Variants in PRORP observed in about 807,000 individuals in gnomAD.
PRORP encodes the protein protein only RNase P catalytic subunit.
PRORP carries 51 observed loss-of-function variants against 59.4 expected under a neutral mutation model. That is an observed-to-expected ratio of 0.86 (90% CI 0.69 to 1.08). The LOEUF (loss-of-function observed/expected upper bound fraction) is 1.08. Ranked by LOEUF, PRORP falls within the 50% of genes least tolerant of loss-of-function variation. The pLI is 0.00. For synonymous variants in PRORP, 231 were observed against 245.6 expected (o/e 0.94, Z 0.55); for missense variants, 646 against 690.3 (o/e 0.94, Z 0.72).
At chr14:35,136,011 G>A (rs1314792914) in intron 4 of PRORP, among the ~76,000 whole-genome samples, 1 of 151,724 alleles carries the variant, frequency 6.6e-6, no homozygotes, top group African/African-American at 2.4e-5. Context: ...ATATTTTAGA[G>A]AGACCTCTCT....
intron 4 of PRORP, among the ~76,000 whole-genome samples, chr14:35,146,137 T>C (rs1392781880): frequency 1.3e-5 from 2 of 152,132 alleles, no homozygotes; most frequent in East Asian, 3.8e-4. Flanking sequence ...AGCCCCATTT[T>C]GAACTTTTAA....
At chr14:35,181,111 T>G (rs1248165646) in intron 5 of PRORP, among the ~76,000 whole-genome samples, 1 of 152,202 alleles carries the variant, frequency 6.6e-6, no homozygotes, top group Non-Finnish European at 1.5e-5. Context: ...TCCCTTTGGG[T>G]CATATCCTTA....
At chr14:35,131,873 C>G (rs2047248963) in intron 4 of PRORP, among the ~76,000 whole-genome samples, 1 of 145,126 alleles carries the variant, frequency 6.9e-6, no homozygotes, top group Non-Finnish European at 1.5e-5. Context: ...AAATCTCACT[C>G]TTGTCCCCTA....
chr14:35,227,065 T>C (rs1163673370), intron 5 of PRORP, among the ~76,000 whole-genome samples: 1 of 152,048 alleles, frequency 6.6e-6, no homozygotes, highest in Non-Finnish European at 1.5e-5. Flanking sequence ...CCTTGTGATA[T>C]TGGTGGATTT....
chr14:35,203,022 T>C (rs908168077), intron 5 of PRORP, among the ~76,000 whole-genome samples: 1 of 152,162 alleles, frequency 6.6e-6, no homozygotes, highest in Non-Finnish European at 1.5e-5. Flanking sequence ...ATATTATGTA[T>C]TTGTGTAGTG....
At chr14:35,266,990 AT>A in intron 6 of PRORP, 115 bp downstream of exon 6, 1 of 865,386 alleles carries the variant, frequency 1.2e-6, no homozygotes, top group Non-Finnish European at 1.6e-6. Flanking sequence ...ACTCACCCTC[AT>A]TAAAAAAAAA....
chr14:35,203,127 A>G (rs1566495010), intron 5 of PRORP, among the ~76,000 whole-genome samples: 1 of 152,196 alleles, frequency 6.6e-6, no homozygotes, highest in Non-Finnish European at 1.5e-5. Context: ...AAAAGAACTT[A>G]CCCTTTCTGT....
intron 5 of PRORP, among the ~76,000 whole-genome samples, chr14:35,237,011 T>C (rs2050235562): frequency 6.7e-6 from 1 of 148,714 alleles, no homozygotes. Flanking sequence ...CCTTCACTCC[T>C]TCCTTCCCTC....
intron 5 of PRORP, among the ~76,000 whole-genome samples, chr14:35,187,239 T>C (rs2048763443): frequency 6.6e-6 from 1 of 152,210 alleles, no homozygotes; most frequent in African/African-American, 2.4e-5. Context: ...CCCAACTGTT[T>C]TCCAAAGCAT....
chr14:35,204,250 AATG>A (rs1361978988), intron 5 of PRORP, among the ~76,000 whole-genome samples: 1 of 152,206 alleles, frequency 6.6e-6, no homozygotes, highest in Non-Finnish European at 1.5e-5. Context: ...TTAAGAAAGA[AATG>A]AGAAAAAAAA....
chr14:35,151,151 A>G (rs1361986382), intron 4 of PRORP, among the ~76,000 whole-genome samples: 1 of 152,160 alleles, frequency 6.6e-6, no homozygotes, highest in African/African-American at 2.4e-5. Flanking sequence ...GAAGTGAGGT[A>G]CGTCCCAGAG....
chr14:35,148,911 A>ATTTTTT (rs1186320988), intron 4 of PRORP, among the ~76,000 whole-genome samples: 21 of 82,828 alleles, frequency 2.5e-4, no homozygotes, highest in African/African-American at 3.5e-4. Flanking sequence ...GCACTTTTTA[A>ATTTTTT]TTTTTTTTTT....
At chr14:35,227,823 C>T (rs2049973161) in intron 5 of PRORP, among the ~76,000 whole-genome samples, 1 of 151,756 alleles carries the variant, frequency 6.6e-6, no homozygotes, top group South Asian at 2.1e-4. Context: ...TTTGCACAAG[C>T]CCGCAGAAAT....
At chr14:35,266,946 TA>T in intron 6 of PRORP, 71 bp downstream of exon 6, 4 of 1,501,946 alleles carry the variant, frequency 2.7e-6, no homozygotes, top group Non-Finnish European at 3.6e-6. Context: ...TTACCTACTT[TA>T]AACCTATCTT....
intron 5 of PRORP, among the ~76,000 whole-genome samples, chr14:35,244,957 C>T (rs1250592551): frequency 6.6e-6 from 1 of 150,692 alleles, no homozygotes; most frequent in Non-Finnish European, 1.5e-5. Flanking sequence ...CAGATGAAAG[C>T]TCCCTTGAGA....
At chr14:35,206,692 A>G (rs1002812363) in intron 5 of PRORP, among the ~76,000 whole-genome samples, 7 of 152,144 alleles carry the variant, frequency 4.6e-5, no homozygotes, top group African/African-American at 4.8e-5. Flanking sequence ...CACCACCACT[A>G]TTTATTGACT....
rs1566543035 is a variant in PRORP at position 35,273,585 on chromosome 14, T to C, written c.*19T>C. On this transcript the variant is annotated 3_prime_UTR_variant, in exon 8 of 8. Transcript: ENST00000534898. ...GACATAGAGATTCTTACCTCTATGCTAAGTTTGTGTTTGGGTACCCTCTAG... is the reference window on the plus strand; with the variant it reads ...GACATAGAGATTCTTACCTCTATGCCAAGTTTGTGTTTGGGTACCCTCTAG... The C allele has an allele frequency of 1.2e-6, 2 of 1,607,154 alleles. No homozygotes were observed. The highest frequency in any genetic ancestry group is 1.7e-6 in the Non-Finnish European group (2 of 1,176,956).
chr14:35,215,524 C>T (rs184568717), intron 5 of PRORP, among the ~76,000 whole-genome samples: 154 of 152,164 alleles, frequency 1.0e-3, no homozygotes, highest in African/African-American at 3.6e-3. Flanking sequence ...CCCAGCACTG[C>T]AGGAGGATCA....
At chr14:35,259,033 T>G (rs1034221025) in intron 5 of PRORP, among the ~76,000 whole-genome samples, 2 of 152,348 alleles carry the variant, frequency 1.3e-5, no homozygotes, top group African/African-American at 4.8e-5. Context: ...GTTATCTCAA[T>G]TGTTGAGAGA....
Sources: gnomAD v4.1 joint callset for allele counts (sites outside exome capture counted in the v4.1 genomes callset) on GRCh38, gnomAD v4.1.1 for gene constraint, MANE v1.5 for transcripts, NCBI Gene and HGNC (gene_info 2026-07-23, HGNC 2026-07-21) for gene names.